The following CTNNA2 variants were observed in gnomAD, a reference collection of about 807,000 sequenced individuals.
CTNNA2 encodes the protein catenin alpha-2.
CTNNA2 carries 42 observed loss-of-function variants against 101.0 expected under a neutral mutation model. That is an observed-to-expected ratio of 0.42 (90% CI 0.32 to 0.54). CTNNA2 has a LOEUF of 0.54. Ranked by LOEUF, CTNNA2 falls within the 20% of genes least tolerant of loss-of-function variation. The pLI is 0.14. For synonymous variants in CTNNA2, 450 were observed against 456.4 expected (o/e 0.99, Z 0.18); for missense variants, 871 against 1,223.1 (o/e 0.71, Z 4.29).
intron 7 of CTNNA2, among the ~76,000 whole-genome samples, chr2:79,922,116 T>C (rs775463582): frequency 8.5e-5 from 13 of 152,182 alleles, no homozygotes; most frequent in Non-Finnish European, 1.8e-4. Context: ...CATTTCCTTT[T>C]TCCGTTTTCT....
intron 3 of CTNNA2, among the ~76,000 whole-genome samples, chr2:79,838,400 G>C (rs1161393678): frequency 6.6e-6 from 1 of 152,072 alleles, no homozygotes; most frequent in Non-Finnish European, 1.5e-5. Context: ...AAGAAGAAAG[G>C]AATGTTGTGT....
intron 2 of CTNNA2, among the ~76,000 whole-genome samples, chr2:79,218,796 A>AT (rs1674303096): frequency 6.6e-6 from 1 of 152,220 alleles, no homozygotes; most frequent in Admixed American, 6.5e-5. Flanking sequence ...CAAAAAGTGA[A>AT]TTACCAGAAT....
intron 1 of CTNNA2, among the ~76,000 whole-genome samples, chr2:79,585,594 T>G (rs1485388617): frequency 1.3e-5 from 2 of 152,106 alleles, no homozygotes; most frequent in African/African-American, 2.4e-5. Flanking sequence ...ACAAAAGGCT[T>G]TTTTACATTA....
At chr2:79,739,888 A>T (rs533142821) in intron 2 of CTNNA2, among the ~76,000 whole-genome samples, 1 of 152,162 alleles carries the variant, frequency 6.6e-6, no homozygotes, top group African/African-American at 2.4e-5. Flanking sequence ...ATACTCACTA[A>T]CTGACTTGAG....
intron 2 of CTNNA2, among the ~76,000 whole-genome samples, chr2:79,680,741 T>A (rs1683508333): frequency 6.6e-6 from 1 of 152,222 alleles, no homozygotes. Flanking sequence ...CTGCTTTCAG[T>A]AATGTGAAAA....
rs567362613 is a variant in CTNNA2, at chr2:80,157,053, G to C, written c.1057-236158G>C. ...CACTCTGGTGGTATAGGACAGATCA[G>C]CTAGTTCACTGGCTAAGATATACAC... On this transcript the variant is annotated intron_variant, in intron 7 of 18. Transcript: ENST00000402739. 3.3e-5 allele frequency among the ~76,000 whole-genome samples: 5 copies of C among 152,280 alleles called. No individual in the cohort carries two copies. In the East Asian group the frequency reaches 9.7e-4, roughly 29 times the overall value.
At chr2:80,356,766 T>A (rs1226858483) in intron 7 of CTNNA2, among the ~76,000 whole-genome samples, 1 of 152,174 alleles carries the variant, frequency 6.6e-6, no homozygotes. Context: ...CATTCAACAC[T>A]TATCGGTCAG....
At chr2:80,352,703 A>C (rs1239367129) in intron 7 of CTNNA2, among the ~76,000 whole-genome samples, 1 of 152,136 alleles carries the variant, frequency 6.6e-6, no homozygotes, top group African/African-American at 2.4e-5. Context: ...CATTTCTTGA[A>C]ATGATAGTCA....
At chr2:80,086,340 A>G (rs922100213) in intron 7 of CTNNA2, among the ~76,000 whole-genome samples, 2 of 152,138 alleles carry the variant, frequency 1.3e-5, no homozygotes, top group African/African-American at 4.8e-5. Context: ...AAGGCCACAC[A>G]GACAACATAT....
intron 1 of CTNNA2, among the ~76,000 whole-genome samples, chr2:79,520,009 A>G (rs1032190205): frequency 3.9e-5 from 6 of 152,262 alleles, no homozygotes; most frequent in Admixed American, 1.3e-4. Context: ...TGCCTCAGGC[A>G]TAGCAAAGCC....
chr2:80,373,822 G>T (rs768029766), intron 7 of CTNNA2, among the ~76,000 whole-genome samples: 11 of 152,138 alleles, frequency 7.2e-5, no homozygotes, highest in Non-Finnish European at 1.6e-4. Flanking sequence ...CAGACAAACT[G>T]ATTGACGTGA....
intron 9 of CTNNA2, among the ~76,000 whole-genome samples, chr2:80,433,171 G>A (rs1327940670): frequency 1.3e-5 from 2 of 152,030 alleles, no homozygotes; most frequent in Non-Finnish European, 2.9e-5. Context: ...CTGTTACGTA[G>A]AGCTTAAAAA....
intron 1 of CTNNA2, among the ~76,000 whole-genome samples, chr2:79,586,507 GTTTTC>G (rs201684019): frequency 0.012 from 1,608 of 130,370 alleles, 47 homozygotes; most frequent in East Asian, 0.12. Context: ...AGGTGTTTAG[GTTTTC>G]TTTTCTTTTC....
At chr2:79,374,828 TG>T (rs929421745) in intron 4 of CTNNA2, among the ~76,000 whole-genome samples, 2 of 152,086 alleles carry the variant, frequency 1.3e-5, no homozygotes, top group Non-Finnish European at 2.9e-5. Flanking sequence ...ATAGTGCAAA[TG>T]GGTGACTTGA....
At chr2:79,646,203 G>A (rs1380068898) in intron 1 of CTNNA2, among the ~76,000 whole-genome samples, 2 of 152,180 alleles carry the variant, frequency 1.3e-5, no homozygotes, top group Non-Finnish European at 2.9e-5. Context: ...TGCAGTGAAC[G>A]ATGCATTGTA....
chr2:80,367,699 A>G (rs1374997615), intron 7 of CTNNA2, among the ~76,000 whole-genome samples: 4 of 151,968 alleles, frequency 2.6e-5, no homozygotes, highest in African/African-American at 9.7e-5. Context: ...ATGGTGTGAA[A>G]AAAATGTTTA....
At chr2:80,492,571 G>A (rs1687147216) in intron 9 of CTNNA2, among the ~76,000 whole-genome samples, 1 of 152,106 alleles carries the variant, frequency 6.6e-6, no homozygotes, top group Admixed American at 6.6e-5. Flanking sequence ...TTACATCAAG[G>A]AAAAATAAAA....
intron 2 of CTNNA2, among the ~76,000 whole-genome samples, chr2:79,736,964 A>G (rs1670925919): frequency 6.6e-6 from 1 of 152,170 alleles, no homozygotes; most frequent in Non-Finnish European, 1.5e-5. Flanking sequence ...ATGCTTTCCC[A>G]CCAAAAGACG....
At chr2:80,469,527 A>G (rs920073948) in intron 9 of CTNNA2, among the ~76,000 whole-genome samples, 1 of 152,224 alleles carries the variant, frequency 6.6e-6, no homozygotes, top group Non-Finnish European at 1.5e-5. Flanking sequence ...TGGAGAGTAG[A>G]CACTAGTAGC....
Sources: gnomAD v4.1 joint callset for allele counts (sites outside exome capture counted in the v4.1 genomes callset) on GRCh38, gnomAD v4.1.1 for gene constraint, MANE v1.5 for transcripts, NCBI Gene and HGNC (gene_info 2026-07-23, HGNC 2026-07-21) for gene names.